Variants in HIC2 observed in about 807,000 individuals in gnomAD.
The protein encoded by HIC2 is hypermethylated in cancer 2 protein.
Under a neutral mutation model 39.5 loss-of-function variants are expected in HIC2, and 2 were observed. That is an observed-to-expected ratio of 0.05 (90% CI 0.02 to 0.16). The LOEUF is 0.16. HIC2 is among the 10% of genes least tolerant of loss of function. The pLI is 1.00. For missense variants in HIC2, 713 were observed against 863.5 expected (o/e 0.83, Z 2.18); for synonymous variants, 399 against 368.8 (o/e 1.08, Z -0.94).
In HIC2 at chr22:21,450,256, C is replaced by A. The variant is rs1924098264; in HGVS notation, c.*3513C>A. ...AAAAAAAAGGAAGAGAAAAGATGAACCTTTAAGCAAATAAGAATCTCAGAG... is the reference window on the plus strand; with the variant it reads ...AAAAAAAAGGAAGAGAAAAGATGAAACTTTAAGCAAATAAGAATCTCAGAG... On this transcript the variant is annotated 3_prime_UTR_variant, in exon 3 of 3. Transcript: ENST00000407464. 6.5e-6 allele frequency: 1 copy of A among 152,900 alleles called. No individual in the cohort carries two copies. The highest frequency in any genetic ancestry group is 1.9e-4 in the East Asian group (1 of 5,328). The allele number at this position is 152,900 out of a possible 1,614,324, so 9.5% of individuals were successfully genotyped here. A position where few individuals can be genotyped will look rare whatever the true frequency, so the allele number is the denominator to read the frequency against.
At chr22:21,430,882 A>C (rs1227117142) in intron 1 of HIC2, among the ~76,000 whole-genome samples, 9 of 111,198 alleles carry the variant, frequency 8.1e-5, no homozygotes, top group African/African-American at 7.8e-5. Context: ...AAAAAAAAAA[A>C]ACAAAGGTAA....
At chr22:21,438,485 T>A (rs1233222178) in intron 1 of HIC2, among the ~76,000 whole-genome samples, 1 of 144,082 alleles carries the variant, frequency 6.9e-6, no homozygotes, top group Non-Finnish European at 1.5e-5. Flanking sequence ...TAGAGCACAC[T>A]CTCCTGCCCT....
rs1489256094 is a variant in HIC2 at position 21,447,052 on chromosome 22, G to A, written c.*309G>A. The A allele has an allele frequency of 5.4e-6, 2 of 369,058 alleles. No individual in the cohort carries two copies. The highest frequency in any genetic ancestry group is 4.1e-5 in the African/African-American group (2 of 48,288). The allele number at this position is 369,058 out of a possible 1,614,324, so 22.9% of individuals were successfully genotyped here. On this transcript the variant is annotated 3_prime_UTR_variant, in exon 3 of 3. Transcript: ENST00000407464. ...GGTCTCGCTGGGACCTGGTCCCTTT[G>A]TTGCAGGCGGCTTGGAGAAAGGGCA...
rs1455177903 is a variant in HIC2 at position 21,450,993 on chromosome 22, C to T, written c.*4250C>T. On this transcript the variant is annotated 3_prime_UTR_variant, in exon 3 of 3. Coordinates refer to ENST00000407464, the MANE Select transcript of HIC2 (RefSeq NM_015094.3). ...CAGGGAGGATCCCCAGGGCTCCCAC[C>T]CTCCACTTGGCGGGCCCCGTGGGGC... 7 of 152,822 alleles carry T rather than the reference C, an allele frequency of 4.6e-5. No homozygotes were observed. The South Asian group carries it at 6.2e-4, about 14-fold the overall frequency. 9.5% of individuals were successfully genotyped at this position (152,822 alleles called of 1,614,324 possible).
chr22:21,450,850 C>T lies in HIC2; in HGVS notation c.*4107C>T, dbSNP rs1924145705. 1 of 152,746 alleles carries T rather than the reference C, an allele frequency of 6.5e-6. No homozygotes were observed. Among genetic ancestry groups the T allele is most frequent in the African/African-American group, 2.4e-5 (1 of 41,418 alleles). 9.5% of individuals were successfully genotyped at this position (152,746 alleles called of 1,614,324 possible). A position where few individuals can be genotyped will look rare whatever the true frequency, so the allele number is the denominator to read the frequency against. On this transcript the variant is annotated 3_prime_UTR_variant, in exon 3 of 3. Coordinates refer to ENST00000407464, the MANE Select transcript of HIC2 (RefSeq NM_015094.3). ...CCCAGGACCCCCTTCCTAGGATGCC[C>T]CGGCTTCAGTCACCCCACTTTAACT...
At chr22:21,443,272 C>T (rs549450597) in intron 2 of HIC2, among the ~76,000 whole-genome samples, 2 of 152,222 alleles carry the variant, frequency 1.3e-5, no homozygotes, top group African/African-American at 4.8e-5. Context: ...TGCTTGCTGC[C>T]TCTTGCTGTT....
chr22:21,445,232 G>C lies in HIC2; in HGVS notation c.337G>C (p.Glu113Gln). The C allele has an allele frequency of 6.2e-7, 1 of 1,613,536 alleles. No individual in the cohort carries two copies. Among genetic ancestry groups the C allele is most frequent in the Non-Finnish European group, 8.5e-7 (1 of 1,180,028 alleles). The change falls in exon 3 of 3, where the codon GAG becomes CAG. Residue 113 changes from glutamate to glutamine, a missense_variant. Around this residue, in one of 5 missense-constraint regions of HIC2, gnomAD observed 102 missense variants for 187.1 expected, o/e 0.55. Transcript: ENST00000407464. ...GCTGCTGCCCAGCGACCAGCCAGCC[G>C]AGCCCAACTTCAGCACCCTCCTCAC... ...GKLLPSDQPA[E>Q]PNFSTLLTAA...
At chr22:21,443,860 T>G (rs1923654467) in intron 2 of HIC2, among the ~76,000 whole-genome samples, 1 of 152,172 alleles carries the variant, frequency 6.6e-6, no homozygotes, top group South Asian at 2.1e-4. Context: ...AGAGTCATTC[T>G]TTATACCGCC....
In HIC2 at chr22:21,448,251, T is replaced by C. The variant is rs1462467162; in HGVS notation, c.*1508T>C. 1 of 152,566 alleles carries C rather than the reference T, an allele frequency of 6.6e-6. No individual in the cohort carries two copies. Among genetic ancestry groups the C allele is most frequent in the Admixed American group, 6.5e-5 (1 of 15,270 alleles). 9.5% of individuals were successfully genotyped at this position (152,566 alleles called of 1,614,324 possible). ...CGGAAGTGAGCCCTCATCCTGCCAC[T>C]CCTATCCTCCATTCCTGCAAGAGTT... is the stretch of plus-strand genomic sequence containing the variant. On this transcript the variant is annotated 3_prime_UTR_variant, in exon 3 of 3. Transcript: ENST00000407464.
In HIC2 at chr22:21,446,763, G is replaced by T. The variant is rs778140239; in HGVS notation, c.*20G>T. 1 of 1,580,180 alleles carries T rather than the reference G, an allele frequency of 6.3e-7. No homozygotes were observed. The highest frequency in any genetic ancestry group is 2.3e-5 in the East Asian group (1 of 44,440). On this transcript the variant is annotated 3_prime_UTR_variant, in exon 3 of 3. Transcript: ENST00000407464. The stretch of plus-strand genomic sequence containing the variant: ...TCCTAGAAGCCAAAGACCCGCGGGC[G>T]CCCTCTGCCACCTTGCTCCCCGGGA...
intron 1 of HIC2, chr22:21,420,706 C>CTGA: frequency 6.6e-5 from 1 of 15,126 alleles, no homozygotes; most frequent in Middle Eastern, 0.016. Context: ...CGCGGACCCA[C>CTGA]GGGTACTGTG....
Position 21,446,263 on chromosome 22 carries a change from G to A in HIC2, c.1368G>A (p.Gln456=), listed in dbSNP as rs1252310060. The change falls in exon 3 of 3, where the codon CAG becomes CAA. Residue 456 remains glutamine, a synonymous_variant. Transcript: ENST00000407464. ...PCAKGFPSSE[Q]LNAHVETHTE... ...CCAAGGGCTTCCCCAGCTCTGAGCA[G>A]CTCAATGCGCACGTGGAGACTCACA... 1.2e-6 allele frequency: 2 copies of A among 1,613,314 alleles called. No individual in the cohort carries two copies. The highest frequency in any genetic ancestry group is 1.7e-6 in the Non-Finnish European group (2 of 1,180,032).
At chr22:21,443,351 CT>C (rs550448747) in intron 2 of HIC2, among the ~76,000 whole-genome samples, 132 of 152,290 alleles carry the variant, frequency 8.7e-4, no homozygotes, top group African/African-American at 3.1e-3. Flanking sequence ...GCTCTGGCAC[CT>C]TCAGGGGCCT....
Position 21,445,789 on chromosome 22 carries a change from G to A in HIC2, c.894G>A (p.Leu298=), listed in dbSNP as rs1284105107. The A allele has an allele frequency of 1.3e-6, 2 of 1,595,664 alleles. No homozygotes were observed. Among genetic ancestry groups the A allele is most frequent in the Admixed American group, 1.7e-5 (1 of 58,340 alleles). Residue 298 remains leucine (L), a synonymous_variant, in exon 3 of 3, where the codon CTG becomes CTA. Transcript: ENST00000407464. ...PVANSASYSE[L]GGTPDEPMDL... ...CCAACAGTGCCTCTTATTCTGAGCT[G>A]GGGGGCACCCCTGATGAGCCCATGG...
At chr22:21,436,482 C>T (rs1923424981) in intron 1 of HIC2, among the ~76,000 whole-genome samples, 2 of 152,274 alleles carry the variant, frequency 1.3e-5, no homozygotes, top group African/African-American at 2.4e-5. Context: ...GGCCACAGGG[C>T]TGGCCTGAGG....
In HIC2 at chr22:21,445,427, C is replaced by T. The variant is rs1923745303; in HGVS notation, c.532C>T (p.Leu178Phe). Residue 178 changes from leucine to phenylalanine, a missense_variant, in exon 3 of 3, where the codon CTC becomes TTC. Around this residue, in one of 5 missense-constraint regions of HIC2, gnomAD observed 457 missense variants for 420.2 expected, o/e 1.09. Transcript: ENST00000407464. ...ASVIQARYQG[L>F]VDGRKGAHAP... ...TGTCATCCAAGCTCGGTATCAGGGG[C>T]TCGTGGATGGGCGCAAGGGGGCCCA... is the stretch of plus-strand genomic sequence containing the variant. 1.3e-6 allele frequency: 2 copies of T among 1,529,332 alleles called. No homozygotes were observed. Among genetic ancestry groups the T allele is most frequent in the Non-Finnish European group, 1.8e-6 (2 of 1,142,530 alleles). The allele number at this position is 1,529,332 out of a possible 1,614,324, so 94.7% of individuals were successfully genotyped here.
rs767270706 is a variant in HIC2, at chr22:21,445,456, C to T, written c.561C>T (p.Ala187=). Residue 187 remains alanine (A), a synonymous_variant, in exon 3 of 3, where the codon GCC becomes GCT. Transcript: ENST00000407464. ...GLVDGRKGAH[A]PQELPQAKGS... is the part of the protein sequence containing the mutation. ...TGGATGGGCGCAAGGGGGCCCACGC[C>T]CCCCAGGAGCTCCCCCAAGCCAAAG... 3 of 1,538,126 alleles carry T rather than the reference C, an allele frequency of 2.0e-6. No individual in the cohort carries two copies. The highest frequency in any genetic ancestry group is 2.2e-5 in the Admixed American group (1 of 45,336).
Position 21,449,516 on chromosome 22 carries a change from A to G in HIC2, c.*2773A>G, listed in dbSNP as rs1391895817. 5.2e-5 allele frequency: 8 copies of G among 152,824 alleles called. No individual in the cohort carries two copies. The allele number at this position is 152,824 out of a possible 1,614,324, so 9.5% of individuals were successfully genotyped here. A position where few individuals can be genotyped will look rare whatever the true frequency, so the allele number is the denominator to read the frequency against. On this transcript the variant is annotated 3_prime_UTR_variant, in exon 3 of 3. Coordinates refer to ENST00000407464, the MANE Select transcript of HIC2 (RefSeq NM_015094.3). ...GAGTATGGAACCTCCATGGGCTCAG[A>G]AAAAAGATGCTAATATATTTATCTC...
rs1259898264 is a variant in HIC2 at position 21,445,293 on chromosome 22, C to A, written c.398C>A (p.Ala133Asp). The change falls in exon 3 of 3, where the codon GCC becomes GAC. Residue 133 changes from alanine (A) to aspartate (D), a missense_variant. Ala to Asp is a moderately radical substitution (Grantham distance 126). Around this residue, in one of 5 missense-constraint regions of HIC2, gnomAD observed 102 missense variants for 187.1 expected, o/e 0.55. Coordinates refer to ENST00000407464, the MANE Select transcript of HIC2 (RefSeq NM_015094.3). Reference sequence around the variant, plus strand: ...TACCTCCAGCTGCCCGAGTTGGCAGCCCTCTGCCGCCGCAAACTCAAGCGA... The same window carrying A: ...TACCTCCAGCTGCCCGAGTTGGCAGACCTCTGCCGCCGCAAACTCAAGCGA... ...ASYLQLPELA[A>D]LCRRKLKRAG... is the part of the protein sequence containing the mutation. The A allele has an allele frequency of 6.2e-7, 1 of 1,607,724 alleles. No individual in the cohort carries two copies. The highest frequency in any genetic ancestry group is 1.3e-5 in the African/African-American group (1 of 74,932).
Sources: allele counts gnomAD v4.1 joint callset (sites outside exome capture counted in the v4.1 genomes callset), GRCh38; gene constraint gnomAD v4.1.1; regional missense constraint gnomAD v4.1.1; transcripts MANE v1.5; gene names NCBI Gene and HGNC (gene_info 2026-07-23, HGNC 2026-07-21).